SLC16A2: variants seen among roughly 807,000 people sequenced by gnomAD.
The protein encoded by SLC16A2 is monocarboxylate transporter 8.
In SLC16A2, 3 loss-of-function variants were observed where a neutral mutation model predicts 27.2. That is an observed-to-expected ratio of 0.11 (90% CI 0.05 to 0.28). SLC16A2 has a LOEUF of 0.28. Among genes scored for constraint, SLC16A2 ranks in the 10% least tolerant of loss-of-function variants. SLC16A2 has a pLI of 1.00. For synonymous variants in SLC16A2, 202 were observed against 187.8 expected (o/e 1.08, Z -0.62); for missense variants, 295 against 458.5 (o/e 0.64, Z 3.26).
At chrX:74,474,871 G>C (rs1445391774) in intron 1 of SLC16A2, among the ~76,000 whole-genome samples, 1 of 110,606 alleles carries the variant, frequency 9.0e-6, no homozygotes, top group Non-Finnish European at 1.9e-5. Flanking sequence ...TCTTAATCCA[G>C]TCTATCATTG....
At chrX:74,446,459 A>T (rs984773703) in intron 1 of SLC16A2, among the ~76,000 whole-genome samples, 1 of 111,174 alleles carries the variant, frequency 9.0e-6, no homozygotes, top group African/African-American at 3.3e-5. Context: ...ATCTCTGCAA[A>T]AAAATACAAA....
intron 1 of SLC16A2, among the ~76,000 whole-genome samples, chrX:74,431,389 A>G (rs1370505423): frequency 8.9e-6 from 1 of 112,132 alleles, no homozygotes; most frequent in Non-Finnish European, 1.9e-5. Flanking sequence ...CAAATACCAC[A>G]TGTTCTCACT....
chrX:74,504,222 G>A (rs924627808), intron 1 of SLC16A2, among the ~76,000 whole-genome samples: 2 of 111,943 alleles, frequency 1.8e-5, no homozygotes, highest in African/African-American at 6.5e-5. Flanking sequence ...AAAGGTGTTG[G>A]GACCTTCCCC....
In SLC16A2 at chrX:74,529,275, G is replaced by C. The variant is rs1384815937; in HGVS notation, c.1233G>C (p.Gly411=). The C allele has an allele frequency of 8.3e-7, 1 of 1,211,730 alleles. No individual in the cohort carries two copies. The highest frequency in any genetic ancestry group is 1.1e-6 in the Non-Finnish European group (1 of 895,406). The change falls in exon 5 of 6, where the codon GGG becomes GGC. Residue 411 remains glycine, a synonymous_variant. Transcript: ENST00000587091. The stretch of plus-strand genomic sequence containing the variant: ...TGATTCCCCTGTGCCGGGACTTCGG[G>C]GGCCTTATCGTCGTCTGTCTTTTCC... ...SMMIPLCRDF[G]GLIVVCLFLG...
At chrX:74,462,655 T>A (rs940750442) in intron 1 of SLC16A2, among the ~76,000 whole-genome samples, 6 of 111,652 alleles carry the variant, frequency 5.4e-5, no homozygotes, top group Non-Finnish European at 7.5e-5. Flanking sequence ...ACAACTTCTG[T>A]ACTGAGCCTT....
chrX:74,499,459 T>C lies in SLC16A2; in HGVS notation c.431-21531T>C, dbSNP rs180828379. Among the ~76,000 whole-genome samples the C allele has an allele frequency of 3.8e-4, 41 of 107,991 alleles. 1 individual carries two copies. The East Asian group carries it at 6.0e-3, about 16-fold the overall frequency. The allele number at this position is 107,991 out of a possible 115,157, so 93.8% of individuals were successfully genotyped here. On this transcript the variant is annotated intron_variant, in intron 1 of 5. Coordinates refer to ENST00000587091, the MANE Select transcript of SLC16A2 (RefSeq NM_006517.5). ...TTTTCTTTTCTTTCTTTCTTTCTTT[T>C]TTTTTTTTTTTCCAGATAGAGTTTC...
intron 1 of SLC16A2, among the ~76,000 whole-genome samples, chrX:74,485,879 G>C (rs1438165534): frequency 4.5e-5 from 5 of 110,908 alleles, no homozygotes; most frequent in African/African-American, 1.6e-4. Flanking sequence ...AAGTGGGTCT[G>C]GGATGGTGGC....
intron 1 of SLC16A2, among the ~76,000 whole-genome samples, chrX:74,435,745 T>C (rs1928622698): frequency 9.3e-6 from 1 of 107,838 alleles, no homozygotes; most frequent in Non-Finnish European, 1.9e-5. Context: ...AGTCTAAAAG[T>C]TCAGGGGCTC....
intron 1 of SLC16A2, among the ~76,000 whole-genome samples, chrX:74,457,368 A>G (rs1395493815): frequency 9.0e-6 from 1 of 110,650 alleles, no homozygotes; most frequent in Non-Finnish European, 1.9e-5. Flanking sequence ...GAGGAGACCT[A>G]AAGGACAGAC....
intron 2 of SLC16A2, among the ~76,000 whole-genome samples, chrX:74,522,574 T>C (rs1930424099): frequency 8.9e-6 from 1 of 111,990 alleles, no homozygotes; most frequent in Admixed American, 9.4e-5. Flanking sequence ...CTCAGCACTA[T>C]ACAGCAAAGG....
chrX:74,421,928 T>G lies in SLC16A2; in HGVS notation c.291T>G (p.Gly97=), dbSNP rs1267681312. ...CGCGCGGCTTCCAGCCTCCCGAAGG[T>G]GGCTTCGGCTGGGTGGTGGTGTTCG... The part of the protein sequence containing the change: ...GTARGFQPPE[G]GFGWVVVFAA... Residue 97 remains glycine, a synonymous_variant, in exon 1 of 6, where the codon GGT becomes GGG. Transcript: ENST00000587091. The G allele has an allele frequency of 8.3e-7, 1 of 1,209,540 alleles. No homozygotes were observed. Among genetic ancestry groups the G allele is most frequent in the Non-Finnish European group, 1.1e-6 (1 of 895,042 alleles).
chrX:74,494,552 G>T (rs770334141), intron 1 of SLC16A2, among the ~76,000 whole-genome samples: 5 of 111,514 alleles, frequency 4.5e-5, no homozygotes, highest in Non-Finnish European at 7.5e-5. Flanking sequence ...TGTTATGGAG[G>T]GTTCATGTTA....
intron 1 of SLC16A2, among the ~76,000 whole-genome samples, chrX:74,495,320 C>T (rs1159804303): frequency 1.8e-5 from 2 of 110,885 alleles, no homozygotes; most frequent in African/African-American, 6.5e-5. Context: ...TTGTCCTCAG[C>T]AGGGGAAAGG....
intron 1 of SLC16A2, among the ~76,000 whole-genome samples, chrX:74,436,749 G>A (rs1928638353): frequency 9.0e-6 from 1 of 111,436 alleles, no homozygotes. Flanking sequence ...GAGCCCAAAG[G>A]AGCTCAGTAT....
At chrX:74,463,773 C>T (rs759907121) in intron 1 of SLC16A2, among the ~76,000 whole-genome samples, 1 of 110,976 alleles carries the variant, frequency 9.0e-6, no homozygotes, top group South Asian at 3.8e-4. Flanking sequence ...GTGATCCACC[C>T]GCCTCTGTGT....
chrX:74,452,777 G>C (rs1928967138), intron 1 of SLC16A2, among the ~76,000 whole-genome samples: 1 of 110,742 alleles, frequency 9.0e-6, no homozygotes, highest in African/African-American at 3.3e-5. Flanking sequence ...CTCTCCTCTG[G>C]ACACAGTCAA....
intron 1 of SLC16A2, among the ~76,000 whole-genome samples, chrX:74,445,130 GAAGTA>G (rs1456239309): frequency 8.9e-6 from 1 of 111,994 alleles, no homozygotes; most frequent in Non-Finnish European, 1.9e-5. Flanking sequence ...GCAGAGAAGT[GAAGTA>G]AAGGGCACAT....
In SLC16A2 at chrX:74,531,652, C is replaced by G. The variant is rs186925711; in HGVS notation, c.*99C>G. 3.8e-5 allele frequency: 24 copies of G among 633,987 alleles called. No individual in the cohort carries two copies. In the Admixed American group the frequency reaches 5.0e-4, roughly 13 times the overall value. The allele number at this position is 633,987 out of a possible 1,213,427, so 52.2% of individuals were successfully genotyped here. A position where few individuals can be genotyped will look rare whatever the true frequency, so the allele number is the denominator to read the frequency against. ...GCCACCAGCACACTTGTTCCCAGAC[C>G]TGCGCACACAGCATTTCAGCCACCT... On this transcript the variant is annotated 3_prime_UTR_variant, in exon 6 of 6. Coordinates refer to ENST00000587091, the MANE Select transcript of SLC16A2 (RefSeq NM_006517.5).
chrX:74,488,752 C>G (rs1929769171), intron 1 of SLC16A2, among the ~76,000 whole-genome samples: 1 of 111,560 alleles, frequency 9.0e-6, no homozygotes, highest in African/African-American at 3.2e-5. Context: ...ATTCACCACA[C>G]AAGATTCTTT....
Sources: gnomAD v4.1 joint callset for allele counts (sites outside exome capture counted in the v4.1 genomes callset) on GRCh38, gnomAD v4.1.1 for gene constraint, MANE v1.5 for transcripts, NCBI Gene and HGNC (gene_info 2026-07-23, HGNC 2026-07-21) for gene names.